The following ANKRD28 variants were observed in gnomAD, a reference collection of about 807,000 sequenced individuals.
ANKRD28 encodes ankyrin repeat domain 28, also known as serine/threonine-protein phosphatase 6 regulatory ankyrin repeat subunit A.
In ANKRD28, 44 loss-of-function variants were observed where a neutral mutation model predicts 126.5. That is an observed-to-expected ratio of 0.35 (90% CI 0.27 to 0.45). The LOEUF (loss-of-function observed/expected upper bound fraction) is 0.45, where lower values mean the gene tolerates loss of function less well. Among genes scored for constraint, ANKRD28 ranks in the 20% least tolerant of loss-of-function variants. ANKRD28 has a pLI of 1.00. For missense variants in ANKRD28, 1,110 were observed against 1,316.6 expected, an observed-to-expected ratio of 0.84 and a Z score of 2.43; for synonymous variants, 442 against 468.5, an observed-to-expected ratio of 0.94 and a Z score of 0.73.
At chr3:15,849,482 G>T (rs1453341733) in intron 1 of ANKRD28, among the ~76,000 whole-genome samples, 1 of 152,184 alleles carries the variant, frequency 6.6e-6, no homozygotes, top group African/African-American at 2.4e-5. Context: ...TAGAGAAATT[G>T]TAGTTTTCTA....
chr3:15,709,462 G>A (rs1283768897), intron 13 of ANKRD28, among the ~76,000 whole-genome samples: 1 of 152,182 alleles, frequency 6.6e-6, no homozygotes, highest in Non-Finnish European at 1.5e-5. Flanking sequence ...GTGGTTGGTA[G>A]GCTAGGGCTG....
At chr3:15,800,313 T>C (rs1488242046), upstream of ANKRD28, among the ~76,000 whole-genome samples, 1 of 152,120 alleles carries the variant, frequency 6.6e-6, no homozygotes, top group Non-Finnish European at 1.5e-5. Context: ...AATCCAGGCT[T>C]CCCACTAACC....
At chr3:15,689,303 C>T (rs1194594695) in intron 18 of ANKRD28, among the ~76,000 whole-genome samples, 1 of 152,192 alleles carries the variant, frequency 6.6e-6, no homozygotes, top group Non-Finnish European at 1.5e-5. Flanking sequence ...CCTGCCCTAC[C>T]TAAGCTTTGA....
intron 26 of ANKRD28, chr3:15,676,725 G>C: frequency 3.0e-6 from 1 of 331,560 alleles, no homozygotes; most frequent in Non-Finnish European, 5.6e-6. Context: ...CAGAAAATTA[G>C]GTAGGTGGAT....
chr3:15,699,225 T>C (rs570109037), intron 14 of ANKRD28, among the ~76,000 whole-genome samples: 8 of 152,308 alleles, frequency 5.3e-5, no homozygotes, highest in African/African-American at 1.7e-4. Context: ...CCTTACACTA[T>C]ATACAAAAAT....
intron 15 of ANKRD28, 34 bp from the exon 16 acceptor site, chr3:15,695,248 T>C: frequency 6.8e-7 from 1 of 1,480,994 alleles, no homozygotes; most frequent in Non-Finnish European, 9.3e-7. Context: ...ATATTTAGCT[T>C]GGGAAGTATT....
At chr3:15,732,732 G>A (rs1204072889) in intron 6 of ANKRD28, 2 of 152,182 alleles carry the variant, frequency 1.3e-5, no homozygotes, top group Non-Finnish European at 2.9e-5. Context: ...TCTCGATGAA[G>A]CCAGGAAAAT....
chr3:15,750,609 T>G (rs1363251867), intron 4 of ANKRD28, among the ~76,000 whole-genome samples: 1 of 152,232 alleles, frequency 6.6e-6, no homozygotes, highest in East Asian at 1.9e-4. Context: ...CCTCTGTTAA[T>G]TACAGGGTTT....
rs1436625068 is a variant in ANKRD28 at position 15,830,521 on chromosome 3, T to C, written c.27+28856A>G. Among the ~76,000 whole-genome samples, 2 of 152,154 alleles carry C rather than the reference T, an allele frequency of 1.3e-5. No individual in the cohort carries two copies. The highest frequency in any genetic ancestry group is 2.9e-5 in the Non-Finnish European group (2 of 68,036). ...AGGTTATGTGCTTTTTACAACACTC[T>C]AACTAATGCCTGATGATCTGAGGTG... On this transcript the variant is annotated intron_variant, in intron 1 of 27. Coordinates refer to the ANKRD28 transcript ENST00000399451. The surrounding 1 kb of genome is among the most constrained non-coding windows in gnomAD (Gnocchi z 4.5).
At chr3:15,831,159 CTG>C (rs1418973524) in intron 1 of ANKRD28, among the ~76,000 whole-genome samples, 3 of 152,134 alleles carry the variant, frequency 2.0e-5, no homozygotes, top group Admixed American at 2.0e-4. Context: ...TTGCTGAGTT[CTG>C]TGAGTCTTTC....
chr3:15,691,583 T>C (rs2068811596), intron 17 of ANKRD28, among the ~76,000 whole-genome samples: 1 of 152,234 alleles, frequency 6.6e-6, no homozygotes, highest in South Asian at 2.1e-4. Flanking sequence ...CCATTTCTTG[T>C]AGAAAATGTC....
chr3:15,855,343 A>C (rs2061742689), intron 1 of ANKRD28, among the ~76,000 whole-genome samples: 1 of 152,172 alleles, frequency 6.6e-6, no homozygotes, highest in South Asian at 2.1e-4. Flanking sequence ...TAAAAAAACA[A>C]AACAAAACAA....
chr3:15,675,161 C>T (rs1215168632), intron 27 of ANKRD28, among the ~76,000 whole-genome samples: 2 of 152,030 alleles, frequency 1.3e-5, no homozygotes, highest in African/African-American at 4.8e-5. Flanking sequence ...TCCCAGCTAC[C>T]TGGGCAGGCT....
At chr3:15,764,600 AAAAT>A (rs2058653563) in intron 3 of ANKRD28, among the ~76,000 whole-genome samples, 1 of 152,162 alleles carries the variant, frequency 6.6e-6, no homozygotes, top group Non-Finnish European at 1.5e-5. Context: ...TGACAAAACA[AAAAT>A]AATCAGAATT....
chr3:15,766,524 A>T (rs549824462), intron 2 of ANKRD28, among the ~76,000 whole-genome samples: 12 of 152,052 alleles, frequency 7.9e-5, no homozygotes, highest in Non-Finnish European at 1.2e-4. Flanking sequence ...TCTCTACAAA[A>T]TTTTTTTTAA....
Position 15,676,002 on chromosome 3 carries a change from A to C in ANKRD28, c.2874-13T>G. 6.2e-7 allele frequency: 1 copy of C among 1,606,662 alleles called. No individual in the cohort carries two copies. On this transcript the variant is annotated splice_polypyrimidine_tract_variant and intron_variant, in intron 26 of 27. Transcript: ENST00000683139. ...AACATGCAGAGGTCTAGGGGAAAAAACATGATACATGTACACATATGTGCA... is the reference window on the plus strand; with the variant it reads ...AACATGCAGAGGTCTAGGGGAAAAACCATGATACATGTACACATATGTGCA...
rs1243996145 is a variant in ANKRD28 at position 15,796,937 on chromosome 3, AAAC to A, written c.-419_-417del. The A allele has an allele frequency of 6.1e-6, 6 of 985,518 alleles. No individual in the cohort carries two copies. Among genetic ancestry groups the A allele is most frequent in the Non-Finnish European group, 7.2e-6 (6 of 830,076 alleles). 61.0% of individuals were successfully genotyped at this position (985,518 alleles called of 1,614,324 possible). A position where few individuals can be genotyped will look rare whatever the true frequency, so the allele number is the denominator to read the frequency against. On this transcript the variant is annotated 5_prime_UTR_variant, in exon 1 of 28. Coordinates refer to ENST00000683139, the MANE Select transcript of ANKRD28 (RefSeq NM_001349278.2). ...ACCACACAATATAGAATGAAATGAG[AAAC>A]AACTGCTGTGACAGAGATGATCACA...
chr3:15,721,843 C>G (rs991042117), intron 7 of ANKRD28, among the ~76,000 whole-genome samples: 1 of 152,112 alleles, frequency 6.6e-6, no homozygotes, highest in Non-Finnish European at 1.5e-5. Context: ...CTCCTAGGCT[C>G]AAGTGATTCT....
At chr3:15,762,220 A>AC (rs1553624382) in intron 3 of ANKRD28, among the ~76,000 whole-genome samples, 1 of 34,506 alleles carries the variant, frequency 2.9e-5, no homozygotes, top group African/African-American at 6.1e-5. Flanking sequence ...AAAACAAAAC[A>AC]AAAAAAAAAA....
Sources: allele counts gnomAD v4.1 joint callset (sites outside exome capture counted in the v4.1 genomes callset), GRCh38; gene constraint gnomAD v4.1.1; non-coding constraint Gnocchi (gnomAD v3.1); transcripts MANE v1.5; gene names NCBI Gene and HGNC (gene_info 2026-07-23, HGNC 2026-07-21).